Variants in SLCO5A1 observed in about 807,000 individuals in gnomAD.
SLCO5A1 encodes organic anion transporter polypeptide-related protein 4.
In SLCO5A1, 39 loss-of-function variants were observed where a neutral mutation model predicts 65.1. That is an observed-to-expected ratio of 0.60 (90% CI 0.46 to 0.78). SLCO5A1 has a LOEUF of 0.78. Among genes scored for constraint, SLCO5A1 ranks in the 30% least tolerant of loss-of-function variants. SLCO5A1 has a pLI of 0.00. For missense variants in SLCO5A1, 1,029 were observed against 1,069.4 expected, an observed-to-expected ratio of 0.96 and a Z score of 0.53; for synonymous variants, 438 against 415.7, an observed-to-expected ratio of 1.05 and a Z score of -0.65.
chr8:69,741,101 T>C (rs953924097), intron 4 of SLCO5A1, among the ~76,000 whole-genome samples: 6 of 152,190 alleles, frequency 3.9e-5, no homozygotes, highest in Admixed American at 1.3e-4. Context: ...CTCGTGTCCT[T>C]TCCATAATAC....
At position 69,832,473 on chromosome 8, in the gene SLCO5A1, C is replaced by T. The variant is rs140309550; in HGVS notation, c.201G>A (p.Ser67=). The part of the protein sequence containing the change: ...ANPAFGCVDS[S]GHQELKQGPN... Reference sequence around the variant, plus strand: ...GGCCTTGCTTCAACTCCTGGTGGCCCGAAGAATCCACACAGCCAAAGGCCG... The same window carrying T: ...GGCCTTGCTTCAACTCCTGGTGGCCTGAAGAATCCACACAGCCAAAGGCCG... The change falls in exon 2 of 10, where the codon TCG becomes TCA. Residue 67 remains serine, a synonymous_variant. Transcript: ENST00000260126. This position sits in a 1 kb window ranked among gnomAD's most constrained non-coding sequence, Gnocchi z 4.5. The T allele has an allele frequency of 6.2e-6, 10 of 1,612,638 alleles. No homozygotes were observed. Among genetic ancestry groups the T allele is most frequent in the Non-Finnish European group, 8.5e-6 (10 of 1,179,524 alleles).
intron 5 of SLCO5A1, among the ~76,000 whole-genome samples, chr8:69,711,405 C>G (rs1563676896): frequency 6.6e-6 from 1 of 152,190 alleles, no homozygotes; most frequent in Non-Finnish European, 1.5e-5. Flanking sequence ...CTCCAGCGCC[C>G]TCTAATGGCC....
chr8:69,674,858 TAAAAAAAAAAACA>T (rs1231592517), intron 9 of SLCO5A1, among the ~76,000 whole-genome samples: 13 of 74,294 alleles, frequency 1.7e-4, no homozygotes, highest in Admixed American at 5.5e-4. Context: ...CCATCTCTAC[TAAAAAAAAAAACA>T]AAAAAAAAAA....
chr8:69,735,831 T>A (rs544591222), intron 5 of SLCO5A1, among the ~76,000 whole-genome samples: 4 of 152,242 alleles, frequency 2.6e-5, no homozygotes, highest in South Asian at 2.1e-4. Flanking sequence ...TAAAATTTTT[T>A]AAAAAAGAAA....
intron 2 of SLCO5A1, among the ~76,000 whole-genome samples, chr8:69,765,201 CAGATACAT>C (rs1818002468): frequency 6.6e-6 from 1 of 151,634 alleles, no homozygotes; most frequent in East Asian, 1.9e-4. Context: ...TGTGTGTATA[CAGATACAT>C]ATATATATAC....
intron 2 of SLCO5A1, among the ~76,000 whole-genome samples, chr8:69,789,527 G>T (rs7820155): frequency 6.4e-4 from 97 of 152,318 alleles, no homozygotes; most frequent in African/African-American, 2.1e-3. Flanking sequence ...CCTGTTGGGT[G>T]GGGGAGTGGC....
chr8:69,729,543 G>T (rs1418048878), intron 5 of SLCO5A1, among the ~76,000 whole-genome samples: 2 of 150,138 alleles, frequency 1.3e-5, no homozygotes, highest in African/African-American at 4.9e-5. Flanking sequence ...CAAATTATTG[G>T]CCACTATATA....
At chr8:69,729,568 T>C (rs1027098378) in intron 5 of SLCO5A1, among the ~76,000 whole-genome samples, 4 of 149,826 alleles carry the variant, frequency 2.7e-5, no homozygotes, top group African/African-American at 9.8e-5. Flanking sequence ...TGCTAGAATA[T>C]AAATTTTTAC....
chr8:69,761,198 C>T (rs999385705), intron 3 of SLCO5A1, among the ~76,000 whole-genome samples: 1 of 152,202 alleles, frequency 6.6e-6, no homozygotes, highest in Non-Finnish European at 1.5e-5. Flanking sequence ...TGTATAAGCT[C>T]TCTGCTATAA....
chr8:69,717,027 G>A (rs1815578487), intron 5 of SLCO5A1, among the ~76,000 whole-genome samples: 1 of 152,090 alleles, frequency 6.6e-6, no homozygotes, highest in African/African-American at 2.4e-5. Flanking sequence ...CAACCCTCCT[G>A]TCTTGGCCTC....
rs570443038 is a variant in SLCO5A1 at position 69,679,201 on chromosome 8, C to A, written c.2024+177G>T. ...GTATGAAATGTTACAACCTTTCTTT[C>A]CCTTCCCAACAGGGAAAAATCCCTC... On this transcript the variant is annotated intron_variant, in intron 8 of 9. Coordinates refer to ENST00000260126, the MANE Select transcript of SLCO5A1 (RefSeq NM_030958.3). 3.6e-4 allele frequency among the ~76,000 whole-genome samples: 55 copies of A among 152,344 alleles called. 1 individual carries two copies. The Middle Eastern group carries it at 0.01, about 28-fold the overall frequency.
At chr8:69,699,936 T>C (rs1450406482) in intron 6 of SLCO5A1, among the ~76,000 whole-genome samples, 5 of 152,106 alleles carry the variant, frequency 3.3e-5, no homozygotes, top group Admixed American at 2.0e-4. Context: ...CTGGGCAACA[T>C]AGAGTGACCG....
At chr8:69,775,798 G>C (rs1314725214) in intron 2 of SLCO5A1, among the ~76,000 whole-genome samples, 9 of 152,096 alleles carry the variant, frequency 5.9e-5, no homozygotes, top group African/African-American at 2.2e-4. Context: ...AAGATCACTT[G>C]AGCTCAGGAG....
chr8:69,791,025 A>C (rs1432429195), intron 2 of SLCO5A1, among the ~76,000 whole-genome samples: 3 of 152,236 alleles, frequency 2.0e-5, no homozygotes, highest in Admixed American at 2.0e-4. Flanking sequence ...GAAAGAAGGA[A>C]AGGAGGGAGG....
intron 5 of SLCO5A1, among the ~76,000 whole-genome samples, chr8:69,712,219 T>A (rs1370697330): frequency 6.6e-6 from 1 of 152,200 alleles, no homozygotes; most frequent in African/African-American, 2.4e-5. Flanking sequence ...GCTGGAAATC[T>A]TTTATCTAGT....
At chr8:69,709,220 T>C (rs151092826) in intron 5 of SLCO5A1, among the ~76,000 whole-genome samples, 8 of 152,336 alleles carry the variant, frequency 5.3e-5, no homozygotes, top group Middle Eastern at 3.4e-3. Flanking sequence ...TGGAGGGTTT[T>C]ATCTGTTTGC....
intron 5 of SLCO5A1, among the ~76,000 whole-genome samples, chr8:69,726,881 C>T (rs1311432581): frequency 1.3e-5 from 2 of 152,134 alleles, no homozygotes; most frequent in East Asian, 3.8e-4. Context: ...GAATGTTTTC[C>T]ACATGTCATA....
chr8:69,685,601 C>T (rs1321840542), intron 6 of SLCO5A1, among the ~76,000 whole-genome samples: 2 of 152,086 alleles, frequency 1.3e-5, no homozygotes, highest in Admixed American at 1.3e-4. Flanking sequence ...ACTGGGTGGT[C>T]CACAATGTAA....
chr8:69,723,978 G>A (rs183568019), intron 5 of SLCO5A1, among the ~76,000 whole-genome samples: 1 of 152,178 alleles, frequency 6.6e-6, no homozygotes, highest in East Asian at 1.9e-4. Flanking sequence ...TCCCCATGTT[G>A]GCCAGGCTGG....
Sources: allele counts gnomAD v4.1 joint callset (sites outside exome capture counted in the v4.1 genomes callset), GRCh38; gene constraint gnomAD v4.1.1; non-coding constraint Gnocchi (gnomAD v3.1); transcripts MANE v1.5; gene names NCBI Gene and HGNC (gene_info 2026-07-23, HGNC 2026-07-21).